SLC38A8: variants seen among roughly 807,000 people sequenced by gnomAD.
SLC38A8 encodes the protein solute carrier family 38 member 8.
In SLC38A8, 65 loss-of-function variants were observed where a neutral mutation model predicts 46.0. The observed-to-expected ratio is 1.41, with a 90% CI of 1.16 to 1.74. SLC38A8 has a LOEUF of 1.74. SLC38A8 is among the 40% of genes most tolerant of loss of function. SLC38A8 has a pLI of 0.00. For synonymous variants in SLC38A8, 447 were observed against 243.7 expected, an observed-to-expected ratio of 1.83 and a Z score of -7.77; for missense variants, 998 against 567.9, an observed-to-expected ratio of 1.76 and a Z score of -7.70.
chr16:84,024,749 G>A (rs112340655), intron 6 of SLC38A8, among the ~76,000 whole-genome samples: 5,371 of 152,220 alleles, frequency 0.035, 132 homozygotes, highest in Middle Eastern at 0.088. Flanking sequence ...GACTGAAGTG[G>A]CGCGAACTTG....
intron 3 of SLC38A8, 58 bp downstream of exon 3, chr16:84,036,644 A>C (rs2085302257): frequency 1.0e-5 from 16 of 1,593,772 alleles, no homozygotes; most frequent in Non-Finnish European, 1.4e-5. Context: ...TGGAAACTCC[A>C]AGAGGTCATT....
intron 6 of SLC38A8, among the ~76,000 whole-genome samples, chr16:84,028,626 G>C (rs1168123625): frequency 1.3e-5 from 2 of 151,184 alleles, no homozygotes; most frequent in Non-Finnish European, 2.9e-5. Flanking sequence ...CTGCTAGGAG[G>C]GCTGCGGGAA....
In SLC38A8 at chr16:84,036,789, C is replaced by T. The variant is rs760314530; in HGVS notation, c.301G>A (p.Gly101Arg). The change falls in exon 3 of 11, where the codon GGG (glycine) becomes AGG (arginine). Residue 101 changes from glycine to arginine, a missense_variant. Gly to Arg is a moderately radical substitution (Grantham distance 125, BLOSUM62 -2). Transcript: ENST00000299709. ...AGGAAGCAGGCCTCACACAGCTTCC[C>T]AATGGCAGGGCCACACAGCCCCCTG... ...VVRGLCGPAI[G>R]KLCEACFLLN... is the part of the protein sequence containing the mutation. 1 of 1,614,168 alleles carries T rather than the reference C, an allele frequency of 6.2e-7. No homozygotes were observed. Among genetic ancestry groups the T allele is most frequent in the East Asian group, 2.2e-5 (1 of 44,876 alleles).
Position 84,013,029 on chromosome 16 carries a change from C to G in SLC38A8, c.1186G>C (p.Gly396Arg). The G allele has an allele frequency of 1.2e-6, 2 of 1,614,162 alleles. No individual in the cohort carries two copies. The highest frequency in any genetic ancestry group is 2.2e-5 in the South Asian group (2 of 91,084). The change falls in exon 10 of 11, where the codon GGT (glycine) becomes CGT (arginine). Residue 396 changes from glycine (G) to arginine (R), a missense_variant. Transcript: ENST00000299709. ...FPGLCLICAM[G>R]VEPIGPRVKC... ...ACTCTTGGTCCTATAGGCTCGACACCCATTGCACAGATGAGGCACAAACCT... is the reference window on the plus strand; with the variant it reads ...ACTCTTGGTCCTATAGGCTCGACACGCATTGCACAGATGAGGCACAAACCT...
At position 84,016,700 on chromosome 16, in the gene SLC38A8, C is replaced by T. The variant is rs530349686; in HGVS notation, c.981G>A (p.Arg327=). ...TGGGCCCCCATCCCCCCAAGCAGCT[C>T]CTCCTCCAGAAGTCCTGCATCACTG... is the stretch of plus-strand genomic sequence containing the variant. ...GRSVMQDFWR[R]SCLGGWGPSA... Residue 327 remains arginine, a synonymous_variant, in exon 9 of 11, where the codon AGG becomes AGA. Transcript: ENST00000299709. 2 of 1,613,208 alleles carry T rather than the reference C, an allele frequency of 1.2e-6. No homozygotes were observed. Among genetic ancestry groups the T allele is most frequent in the East Asian group, 2.2e-5 (1 of 44,886 alleles).
Position 84,033,448 on chromosome 16 carries a change from C to G in SLC38A8, c.410G>C (p.Gly137Ala). ...LEKLCDSLLS[G>A]TPPAPQPWYA... ...CCACGGCTGCGGGGCGGGCGGGGTGCCAGACAGGAGGGAGTCACACACTGC... is the reference window on the plus strand; with the variant it reads ...CCACGGCTGCGGGGCGGGCGGGGTGGCAGACAGGAGGGAGTCACACACTGC... The change falls in exon 4 of 11, where the codon GGC becomes GCC. Residue 137 changes from glycine to alanine, a missense_variant. By Grantham distance (60) the Gly-to-Ala change is moderately conservative. Coordinates refer to ENST00000299709, the MANE Select transcript of SLC38A8 (RefSeq NM_001080442.3). 1 of 1,608,348 alleles carries G rather than the reference C, an allele frequency of 6.2e-7. No homozygotes were observed. Among genetic ancestry groups the G allele is most frequent in the Non-Finnish European group, 8.5e-7 (1 of 1,177,540 alleles).
At chr16:84,040,988 GCA>G (rs1181087302) in intron 2 of SLC38A8, 1 of 152,242 alleles carries the variant, frequency 6.6e-6, no homozygotes, top group Non-Finnish European at 1.5e-5. Flanking sequence ...GAGCCTCAGG[GCA>G]CACAAACGGT....
At chr16:84,038,725 C>A (rs567216193) in intron 2 of SLC38A8, among the ~76,000 whole-genome samples, 2 of 152,228 alleles carry the variant, frequency 1.3e-5, no homozygotes, top group African/African-American at 2.4e-5. Flanking sequence ...CCACTTCTGT[C>A]TCCCTCCCAT....
intron 8 of SLC38A8, 71 bp from the exon 9 acceptor site, chr16:84,016,798 C>CAGT: frequency 6.7e-7 from 1 of 1,495,018 alleles, no homozygotes; most frequent in Non-Finnish European, 9.1e-7. Flanking sequence ...AGCTGCTCCC[C>CAGT]AGTCCTCCAG....
At chr16:84,016,394 G>A (rs1409142213) in intron 9 of SLC38A8, 125 bp downstream of exon 9, 1 of 1,070,536 alleles carries the variant, frequency 9.3e-7, no homozygotes, top group East Asian at 2.6e-5. Flanking sequence ...CACCTACATG[G>A]GGTCTTAATC....
intron 3 of SLC38A8, among the ~76,000 whole-genome samples, chr16:84,036,448 C>A (rs8053088): frequency 2.0e-5 from 3 of 152,222 alleles, no homozygotes; most frequent in East Asian, 3.9e-4. Context: ...TGTGAAACGA[C>A]TTATCTCCAC....
intron 2 of SLC38A8, among the ~76,000 whole-genome samples, chr16:84,037,868 G>A (rs1024733484): frequency 7.3e-6 from 1 of 137,340 alleles, no homozygotes; most frequent in African/African-American, 2.8e-5. Context: ...GAGTGCCATG[G>A]CACGACCTCG....
chr16:84,017,081 A>G (rs749670149), intron 8 of SLC38A8, 59 bp downstream of exon 8: 16 of 1,597,518 alleles, frequency 1.0e-5, no homozygotes, highest in African/African-American at 1.3e-5. Context: ...TACATGCTCA[A>G]TCACAGCACA....
At chr16:84,040,518 T>C (rs2085355713) in intron 2 of SLC38A8, among the ~76,000 whole-genome samples, 1 of 152,224 alleles carries the variant, frequency 6.6e-6, no homozygotes, top group Non-Finnish European at 1.5e-5. Context: ...TCCCACTCTC[T>C]GGCTCATGGC....
At position 84,037,771 on chromosome 16, in the gene SLC38A8, AAG is replaced by A. The variant is rs1555556895; in HGVS notation, c.190-873_190-872del. On this transcript the variant is annotated intron_variant, in intron 2 of 10. Transcript: ENST00000299709. The stretch of plus-strand genomic sequence containing the variant: ...GAGAGACTGCCTCCGAAAAAAAAAA[AAG>A]AGAAAAGAAAACATCCCTCTATTTC... 4.9e-5 allele frequency among the ~76,000 whole-genome samples: 7 copies of A among 142,542 alleles called. No homozygotes were observed. The East Asian group carries it at 1.5e-3, about 30-fold the overall frequency. The allele number at this position is 142,542 out of a possible 152,430, so 93.5% of individuals were successfully genotyped here.
rs781114677 is a variant in SLC38A8 at position 84,033,435 on chromosome 16, G to T, written c.423C>A (p.Ala141=). 2 of 1,611,058 alleles carry T rather than the reference G, an allele frequency of 1.2e-6. No homozygotes were observed. Among genetic ancestry groups the T allele is most frequent in the South Asian group, 1.1e-5 (1 of 90,722 alleles). ...GCTGGTCTGCGTACCACGGCTGCGG[G>T]GCGGGCGGGGTGCCAGACAGGAGGG... The part of the protein sequence containing the change: ...CDSLLSGTPP[A]PQPWYADQRF... Residue 141 remains alanine (A), a synonymous_variant, in exon 4 of 11, where the codon GCC becomes GCA. Coordinates refer to ENST00000299709, the MANE Select transcript of SLC38A8 (RefSeq NM_001080442.3).
chr16:84,031,003 A>G (rs1004101691), intron 5 of SLC38A8, among the ~76,000 whole-genome samples: 2 of 152,160 alleles, frequency 1.3e-5, no homozygotes, highest in Non-Finnish European at 2.9e-5. Context: ...CTGGCTCCCA[A>G]GGACCACAGA....
intron 9 of SLC38A8, among the ~76,000 whole-genome samples, chr16:84,014,448 A>T (rs1210059148): frequency 6.6e-6 from 1 of 151,450 alleles, no homozygotes; most frequent in Non-Finnish European, 1.5e-5. Flanking sequence ...CACCTCTGAA[A>T]GCCCTGCCCA....
intron 2 of SLC38A8, among the ~76,000 whole-genome samples, chr16:84,040,278 G>C (rs147962754): frequency 2.6e-5 from 4 of 152,300 alleles, no homozygotes; most frequent in South Asian, 2.1e-4. Context: ...CAAGAGCCAG[G>C]CTGGCTCCTC....
Sources: gnomAD v4.1 joint callset for allele counts (sites outside exome capture counted in the v4.1 genomes callset) on GRCh38, gnomAD v4.1.1 for gene constraint, MANE v1.5 for transcripts, NCBI Gene and HGNC (gene_info 2026-07-23, HGNC 2026-07-21) for gene names.